MSR1: variants seen among roughly 807,000 people sequenced by gnomAD.
The protein encoded by MSR1 is macrophage scavenger receptor 1, also known as macrophage scavenger receptor types I and II.
MSR1 carries 53 observed loss-of-function variants against 47.2 expected under a neutral mutation model. The ratio of observed to expected loss-of-function variants is 1.12; its 90% CI spans 0.90 to 1.41. The LOEUF (loss-of-function observed/expected upper bound fraction) is 1.41. MSR1 is among the 40% of genes most tolerant of loss of function. The pLI is 0.00. For synonymous variants in MSR1, 239 were observed against 185.6 expected, an observed-to-expected ratio of 1.29 and a Z score of -2.34; for missense variants, 786 against 546.9, an observed-to-expected ratio of 1.44 and a Z score of -4.36.
chr8:16,136,756 C>A (rs755713757), intron 8 of MSR1, among the ~76,000 whole-genome samples: 5 of 152,058 alleles, frequency 3.3e-5, no homozygotes, highest in Non-Finnish European at 5.9e-5. Flanking sequence ...GCATGCACAA[C>A]CACACCCAGC....
At position 16,179,837 on chromosome 8, in the gene MSR1, G is replaced by A. The variant is rs1012955798; in HGVS notation, c.-4-1845C>T. 9.1e-5 allele frequency among the ~76,000 whole-genome samples: 12 copies of A among 132,326 alleles called. No homozygotes were observed. In the South Asian group the frequency reaches 9.3e-4, roughly 10 times the overall value. The allele number at this position is 132,326 out of a possible 152,430, so 86.8% of individuals were successfully genotyped here. A position where few individuals can be genotyped will look rare whatever the true frequency, so the allele number is the denominator to read the frequency against. On this transcript the variant is annotated intron_variant, in intron 1 of 9. Transcript: ENST00000262101. Reference sequence around the variant, plus strand: ...ACTTGCAGTGAGCCGACATTGCACCGCTGAACTCTAGCCCGGGCAAGAAGA... The same window carrying A: ...ACTTGCAGTGAGCCGACATTGCACCACTGAACTCTAGCCCGGGCAAGAAGA...
intron 8 of MSR1, 74 bp from the exon 9 acceptor site, chr8:16,120,680 C>A (rs1993978): frequency 3.1e-5 from 46 of 1,472,532 alleles, no homozygotes; most frequent in Non-Finnish European, 3.9e-5. Flanking sequence ...TGCTTTACAG[C>A]ACTTTTTTTT....
intron 7 of MSR1, among the ~76,000 whole-genome samples, chr8:16,145,137 A>C (rs1038778905): frequency 6.6e-6 from 1 of 152,150 alleles, no homozygotes; most frequent in Non-Finnish European, 1.5e-5. Context: ...ATATCAGGTC[A>C]TAATATCAAA....
Position 16,168,740 on chromosome 8 carries a change from T to A in MSR1, c.348A>T (p.Glu116Asp). The A allele has an allele frequency of 1.2e-6, 2 of 1,614,196 alleles. No individual in the cohort carries two copies. Among genetic ancestry groups the A allele is most frequent in the Non-Finnish European group, 1.7e-6 (2 of 1,180,012 alleles). ...TTCTCTTCTCCATGTTGCTCATGTG[T>A]TCCATAAAGACTTCTTGAAATCTCA... ...EEMRFQEVFM[E>D]HMSNMEKRIQ... The change falls in exon 4 of 10, where the codon GAA (glutamate) becomes GAT (aspartate). Residue 116 changes from glutamate (E) to aspartate (D), a missense_variant. Physicochemically the swap from Glu to Asp is conservative, Grantham distance 45. Coordinates refer to ENST00000262101, the MANE Select transcript of MSR1 (RefSeq NM_138715.3).
chr8:16,168,953 T>A (rs922777862), intron 3 of MSR1, 83 bp from the exon 4 acceptor site: 3 of 1,349,890 alleles, frequency 2.2e-6, no homozygotes, highest in Non-Finnish European at 3.1e-6. Flanking sequence ...TTCCATTCCG[T>A]TCATTTTATT....
At chr8:16,186,055 T>C (rs576933694) in intron 1 of MSR1, 8 of 1,016,056 alleles carry the variant, frequency 7.9e-6, no homozygotes. Context: ...TAAGTTGTTT[T>C]TCCTGTGTGG....
intron 1 of MSR1, among the ~76,000 whole-genome samples, chr8:16,182,757 T>G (rs551875166): frequency 6.6e-5 from 10 of 152,276 alleles, no homozygotes; most frequent in African/African-American, 2.2e-4. Context: ...CATTGCCTTC[T>G]TCCAGAATAC....
chr8:16,137,684 A>G (rs1800425610), intron 8 of MSR1, among the ~76,000 whole-genome samples: 1 of 152,128 alleles, frequency 6.6e-6, no homozygotes, highest in Non-Finnish European at 1.5e-5. Flanking sequence ...CTGAGGATTA[A>G]TGTATAATGC....
At chr8:16,122,931 ACCT>A (rs1800038899) in intron 8 of MSR1, among the ~76,000 whole-genome samples, 1 of 129,464 alleles carries the variant, frequency 7.7e-6, no homozygotes, top group Non-Finnish European at 1.5e-5. Context: ...TGCAAGCTCC[ACCT>A]CCCGGGTTCA....
chr8:16,190,010 G>A (rs1198875033), intron 1 of MSR1, among the ~76,000 whole-genome samples: 1 of 149,186 alleles, frequency 6.7e-6, no homozygotes, highest in Non-Finnish European at 1.5e-5. Flanking sequence ...TGCCTCCTGG[G>A]TTCACGTGAT....
At chr8:16,132,008 T>TC (rs1800272178) in intron 8 of MSR1, among the ~76,000 whole-genome samples, 1 of 152,086 alleles carries the variant, frequency 6.6e-6, no homozygotes, top group Non-Finnish European at 1.5e-5. Context: ...GTTTTTTTTT[T>TC]TTCTAATTAC....
rs1176264688 is a variant in MSR1 at position 16,167,676 on chromosome 8, G to A, written c.630+782C>T. ...CCCTCTGTCCTTACCTCATCTCAGT[G>A]CTCTTCTGACCCTATTTCTACATAA... is the stretch of plus-strand genomic sequence containing the variant. On this transcript the variant is annotated intron_variant, in intron 4 of 9. Transcript: ENST00000262101. 3.3e-5 allele frequency among the ~76,000 whole-genome samples: 5 copies of A among 152,054 alleles called. No individual in the cohort carries two copies. In the East Asian group the frequency reaches 9.6e-4, roughly 29 times the overall value.
rs1799688538 is a variant in MSR1 at position 16,108,682 on chromosome 8, T to A, written c.*1403A>T. ...GAGAAAATCAGCAATGTTAAACAAG[T>A]AGAAGAATGTTACATGATAAAAATG... On this transcript the variant is annotated 3_prime_UTR_variant, in exon 10 of 10. Transcript: ENST00000262101. 6.6e-6 allele frequency: 1 copy of A among 152,124 alleles called. No individual in the cohort carries two copies. The highest frequency in any genetic ancestry group is 6.5e-5 in the Admixed American group (1 of 15,270). 9.4% of individuals were successfully genotyped at this position (152,124 alleles called of 1,614,324 possible).
At chr8:16,123,108 G>C (rs1019570634) in intron 8 of MSR1, among the ~76,000 whole-genome samples, 3 of 152,094 alleles carry the variant, frequency 2.0e-5, no homozygotes, top group African/African-American at 7.2e-5. Flanking sequence ...GCCTGCCAAA[G>C]TGCTGGGATT....
chr8:16,188,910 C>G (rs1000141504), intron 1 of MSR1, among the ~76,000 whole-genome samples: 1 of 149,832 alleles, frequency 6.7e-6, no homozygotes, highest in African/African-American at 2.4e-5. Flanking sequence ...CAGTCTATCA[C>G]TGAGGGACAT....
At chr8:16,169,930 T>G (rs1025843094) in intron 3 of MSR1, among the ~76,000 whole-genome samples, 3 of 152,114 alleles carry the variant, frequency 2.0e-5, no homozygotes, top group Non-Finnish European at 4.4e-5. Context: ...AGGAACATAC[T>G]GAGCTGCTGA....
Position 16,155,057 on chromosome 8 carries a change from A to G in MSR1, c.898+7T>C. ...AGTATATGATTAAATAGCTAAAATT[A>G]CCATACCTATTGGACCTGGAAATCC... On this transcript the variant is annotated splice_region_variant and intron_variant, in intron 6 of 9. Coordinates refer to ENST00000262101, the MANE Select transcript of MSR1 (RefSeq NM_138715.3). The G allele has an allele frequency of 6.2e-7, 1 of 1,608,148 alleles. No individual in the cohort carries two copies. Among genetic ancestry groups the G allele is most frequent in the African/African-American group, 1.3e-5 (1 of 74,840 alleles).
chr8:16,184,677 T>C (rs977281777), intron 1 of MSR1, among the ~76,000 whole-genome samples: 4 of 152,182 alleles, frequency 2.6e-5, no homozygotes, highest in African/African-American at 9.6e-5. Context: ...TTGGCAGTAG[T>C]GACCTGGATT....
At chr8:16,161,989 G>A (rs1350736365) in intron 5 of MSR1, among the ~76,000 whole-genome samples, 2 of 151,964 alleles carry the variant, frequency 1.3e-5, no homozygotes, top group African/African-American at 4.8e-5. Context: ...TTTCATGTAA[G>A]TTACAGAGGA....
Sources: gnomAD v4.1 joint callset for allele counts (sites outside exome capture counted in the v4.1 genomes callset) on GRCh38, gnomAD v4.1.1 for gene constraint, MANE v1.5 for transcripts, NCBI Gene and HGNC (gene_info 2026-07-23, HGNC 2026-07-21) for gene names.